The following SERPINA10 variants were observed in gnomAD, a reference collection of about 807,000 sequenced individuals.
The protein encoded by SERPINA10 is protein Z-dependent protease inhibitor.
A neutral mutation model predicts 28.0 loss-of-function variants in SERPINA10; 24 were observed. The observed-to-expected ratio is 0.86, with a 90% CI of 0.62 to 1.20. The LOEUF (loss-of-function observed/expected upper bound fraction) is 1.20. Among genes scored for constraint, SERPINA10 ranks in the 50% most tolerant of loss-of-function variants. SERPINA10 has a pLI of 0.00. For missense variants in SERPINA10, 521 were observed against 537.7 expected, an observed-to-expected ratio of 0.97 and a Z score of 0.31; for synonymous variants, 207 against 203.9, an observed-to-expected ratio of 1.02 and a Z score of -0.13.
In SERPINA10 at chr14:94,283,765, C is replaced by T. The variant is rs964626405; in HGVS notation, c.*200G>A. The T allele has an allele frequency of 7.5e-5, 46 of 615,132 alleles. No individual in the cohort carries two copies. Among genetic ancestry groups the T allele is most frequent in the Non-Finnish European group, 1.1e-4 (40 of 348,014 alleles). The allele number at this position is 615,132 out of a possible 1,614,324, so 38.1% of individuals were successfully genotyped here. On this transcript the variant is annotated 3_prime_UTR_variant, in exon 5 of 5. Transcript: ENST00000261994. ...ATATATAAGGTTCAGCACTGTCCAC[C>T]GTTTCAGGCATCTGCTGGGGGTCTT...
intron 3 of SERPINA10, among the ~76,000 whole-genome samples, chr14:94,287,338 T>C (rs1338188451): frequency 6.6e-6 from 1 of 152,196 alleles, no homozygotes; most frequent in Admixed American, 6.5e-5. Context: ...CAAATCCGTC[T>C]TTCCAGTTGC....
In SERPINA10 at chr14:94,289,863, A is replaced by G. The variant is rs781202571; in HGVS notation, c.718+13T>C. ...CCCTGTGGCCTTGGGAGAGCAGAACATTATCAAAGTACCTTTGAACAAGAT... is the reference window on the plus strand; with the variant it reads ...CCCTGTGGCCTTGGGAGAGCAGAACGTTATCAAAGTACCTTTGAACAAGAT... On this transcript the variant is annotated intron_variant, in intron 2 of 4. Transcript: ENST00000261994. 10 of 1,613,506 alleles carry G rather than the reference A, an allele frequency of 6.2e-6. No homozygotes were observed. In the South Asian group the frequency reaches 6.6e-5, roughly 11 times the overall value.
At position 94,290,611 on chromosome 14, in the gene SERPINA10, C is replaced by G; in HGVS notation, c.-18G>C. 1 of 1,612,042 alleles carries G rather than the reference C, an allele frequency of 6.2e-7. No homozygotes were observed. Among genetic ancestry groups the G allele is most frequent in the Non-Finnish European group, 8.5e-7 (1 of 1,179,584 alleles). On this transcript the variant is annotated 5_prime_UTR_variant, in exon 2 of 5. Transcript: ENST00000261994. ...ACCTTCATGTGATCGGCTGCGGAGGCCAAGGAGTGCCTCCCTTCAGCTGCA... is the reference window on the plus strand; with the variant it reads ...ACCTTCATGTGATCGGCTGCGGAGGGCAAGGAGTGCCTCCCTTCAGCTGCA...
At chr14:94,292,230 G>A (rs769929552) in intron 1 of SERPINA10, among the ~76,000 whole-genome samples, 1 of 152,130 alleles carries the variant, frequency 6.6e-6, no homozygotes, top group Non-Finnish European at 1.5e-5. Context: ...CAAGGCCCCT[G>A]TGATAGCACT....
In SERPINA10 at chr14:94,283,842, C is replaced by T. The variant is rs1894954325; in HGVS notation, c.*123G>A. The T allele has an allele frequency of 7.2e-6, 7 of 975,130 alleles. No homozygotes were observed. The highest frequency in any genetic ancestry group is 1.1e-5 in the Non-Finnish European group (7 of 618,574). The allele number at this position is 975,130 out of a possible 1,614,324, so 60.4% of individuals were successfully genotyped here. On this transcript the variant is annotated 3_prime_UTR_variant, in exon 5 of 5. Coordinates refer to ENST00000261994, the MANE Select transcript of SERPINA10 (RefSeq NM_001100607.3). ...GGACTACTGTATTTATTTGAGAACA[C>T]CCTAAACTAGTTAAGAACAAAAGGA...
chr14:94,291,642 G>A (rs565838603), intron 1 of SERPINA10, among the ~76,000 whole-genome samples: 1 of 152,288 alleles, frequency 6.6e-6, no homozygotes, highest in East Asian at 1.9e-4. Flanking sequence ...ACTGCCCTGG[G>A]AGGGTCTGGG....
chr14:94,289,401 A>G (rs1895104601), intron 2 of SERPINA10, among the ~76,000 whole-genome samples: 1 of 152,246 alleles, frequency 6.6e-6, no homozygotes, highest in Non-Finnish European at 1.5e-5. Flanking sequence ...CAAGTAAACA[A>G]TAGATACTCA....
chr14:94,283,690 C>A lies in SERPINA10; in HGVS notation c.*275G>T. 2 of 490,476 alleles carry A rather than the reference C, an allele frequency of 4.1e-6. No individual in the cohort carries two copies. Among genetic ancestry groups the A allele is most frequent in the South Asian group, 5.2e-5 (2 of 38,124 alleles). The allele number at this position is 490,476 out of a possible 1,614,324, so 30.4% of individuals were successfully genotyped here. ...TATTATTGTTAATCTCTTACTGTGCCTAATTTATAAATTAAACTTTATCAT... is the reference window on the plus strand; with the variant it reads ...TATTATTGTTAATCTCTTACTGTGCATAATTTATAAATTAAACTTTATCAT... On this transcript the variant is annotated 3_prime_UTR_variant, in exon 5 of 5. Coordinates refer to ENST00000261994, the MANE Select transcript of SERPINA10 (RefSeq NM_001100607.3).
rs577825008 is a variant in SERPINA10, at chr14:94,288,164, C to T, written c.992+122G>A. 237 of 1,369,264 alleles carry T rather than the reference C, an allele frequency of 1.7e-4. No homozygotes were observed. In the African/African-American group the frequency reaches 2.0e-3, roughly 12 times the overall value. 84.8% of individuals were successfully genotyped at this position (1,369,264 alleles called of 1,614,324 possible). ...GAAAAAAAGACAAATGCTGCCCTGC[C>T]TTCAGGAAACTTATAGCTCACTGGA... On this transcript the variant is annotated intron_variant, in intron 3 of 4. Coordinates refer to ENST00000261994, the MANE Select transcript of SERPINA10 (RefSeq NM_001100607.3).
Position 94,289,954 on chromosome 14 carries a change from G to A in SERPINA10, c.640C>T (p.Arg214Trp), listed in dbSNP as rs570402881. The A allele has an allele frequency of 6.3e-5, 102 of 1,614,038 alleles. No individual in the cohort carries two copies. The highest frequency in any genetic ancestry group is 3.3e-4 in the Middle Eastern group (2 of 6,084). ...LMNHYINKET[R>W]GKIPKLFDEI... ...TCAAACAGTTTGGGAATTTTCCCCC[G>A]AGTCTCTTTGTTAATGTAATGATTC... The change falls in exon 2 of 5, where the codon CGG becomes TGG. Residue 214 changes from arginine (R) to tryptophan (W), a missense_variant. Arg to Trp is a moderately radical substitution (Grantham distance 101). Transcript: ENST00000261994.
chr14:94,289,921 T>G lies in SERPINA10; in HGVS notation c.673A>C (p.Asn225His). ...GKIPKLFDEINPETKLILVDY... is the reference protein window; with the variant it reads ...GKIPKLFDEIHPETKLILVDY... ...ACAAGAATTAATTTGGTTTCAGGAT[T>G]AATCTCATCAAACAGTTTGGGAATT... The change falls in exon 2 of 5, where the codon AAT (asparagine) becomes CAT (histidine). Residue 225 changes from asparagine (N) to histidine (H), a missense_variant. Transcript: ENST00000261994. 1 of 1,614,060 alleles carries G rather than the reference T, an allele frequency of 6.2e-7. No homozygotes were observed.
chr14:94,290,260 A>C lies in SERPINA10; in HGVS notation c.334T>G (p.Leu112Val), dbSNP rs372663141. 7 of 1,614,102 alleles carry C rather than the reference A, an allele frequency of 4.3e-6. No homozygotes were observed. The African/African-American group carries it at 8.0e-5, about 18-fold the overall frequency. The change falls in exon 2 of 5, where the codon TTG (leucine) becomes GTG (valine). Residue 112 changes from leucine to valine, a missense_variant. Physicochemically the swap from Leu to Val is conservative, Grantham distance 32. Coordinates refer to ENST00000261994, the MANE Select transcript of SERPINA10 (RefSeq NM_001100607.3). ...PFGMSLAMTG[L>V]MLGATGPTET... is the part of the protein sequence containing the mutation. ...GTCGGCCCTGTGGCCCCCAGCATCA[A>C]GCCTGTCATGGCCAAGGACATGCCA...
chr14:94,284,145 T>A lies in SERPINA10; in HGVS notation c.1155A>T (p.Arg385Ser). Reference protein sequence around the residue: ...RNLQVSRVLQRTVIEVDERGT... With the variant: ...RNLQVSRVLQSTVIEVDERGT... ...CCCTTTCATCAACTTCAATCACTGTTCTTTGTAAAACCTGGAAAAAGGAAA... is the reference window on the plus strand; with the variant it reads ...CCCTTTCATCAACTTCAATCACTGTACTTTGTAAAACCTGGAAAAAGGAAA... The change falls in exon 5 of 5, where the codon AGA (arginine) becomes AGT (serine). Residue 385 changes from arginine (R) to serine (S), a missense_variant. By Grantham distance (110) the Arg-to-Ser change is moderately radical. Coordinates refer to ENST00000261994, the MANE Select transcript of SERPINA10 (RefSeq NM_001100607.3). The A allele has an allele frequency of 6.2e-7, 1 of 1,614,088 alleles. No individual in the cohort carries two copies. The highest frequency in any genetic ancestry group is 1.1e-5 in the South Asian group (1 of 91,084).
chr14:94,288,421 T>C lies in SERPINA10; in HGVS notation c.857A>G (p.His286Arg), dbSNP rs1456935311. 6.2e-7 allele frequency: 1 copy of C among 1,614,148 alleles called. No individual in the cohort carries two copies. Among genetic ancestry groups the C allele is most frequent in the Non-Finnish European group, 8.5e-7 (1 of 1,180,030 alleles). Residue 286 changes from histidine (H) to arginine (R), a missense_variant, in exon 3 of 5, where the codon CAT becomes CGT. Physicochemically the swap from His to Arg is conservative, Grantham distance 29. Coordinates refer to ENST00000261994, the MANE Select transcript of SERPINA10 (RefSeq NM_001100607.3). ...TCCTTGGTAGGGCAGTTTGAGGACATGACAACGAAAATTCTTGTCAAAGGT... is the reference window on the plus strand; with the variant it reads ...TCCTTGGTAGGGCAGTTTGAGGACACGACAACGAAAATTCTTGTCAAAGGT... ...ASTFDKNFRC[H>R]VLKLPYQGNA...
chr14:94,282,000 GAATGTCAGAT>G lies in SERPINA10; in HGVS notation c.*1955_*1964del, dbSNP rs1894911835. The G allele has an allele frequency of 3.9e-5, 6 of 152,688 alleles. No individual in the cohort carries two copies. In the South Asian group the frequency reaches 1.2e-3, roughly 32 times the overall value. 9.5% of individuals were successfully genotyped at this position (152,688 alleles called of 1,614,324 possible). A position where few individuals can be genotyped will look rare whatever the true frequency, so the allele number is the denominator to read the frequency against. ...ATTGAACACAAACAAGGTGACTTAA[GAATGTCAGAT>G]AGAGTTAGTCCTCTGTCTTTGGCCC... On this transcript the variant is annotated 3_prime_UTR_variant, in exon 5 of 5. Coordinates refer to ENST00000261994, the MANE Select transcript of SERPINA10 (RefSeq NM_001100607.3).
intron 4 of SERPINA10, among the ~76,000 whole-genome samples, chr14:94,285,354 G>T (rs1020416376): frequency 2.6e-5 from 4 of 151,884 alleles, no homozygotes; most frequent in Non-Finnish European, 5.9e-5. Flanking sequence ...TAACTGAAGG[G>T]ATTCTATGTG....
At position 94,289,969 on chromosome 14, in the gene SERPINA10, T is replaced by C. The variant is rs1458964534; in HGVS notation, c.625A>G (p.Ile209Val). ...ATTTTCCCCCGAGTCTCTTTGTTAA[T>C]GTAATGATTCATGAGCCTTTTGGCC... Reference protein sequence around the residue: ...SQAKRLMNHYINKETRGKIPK... With the variant: ...SQAKRLMNHYVNKETRGKIPK... Residue 209 changes from isoleucine to valine, a missense_variant, in exon 2 of 5, where the codon ATT becomes GTT. Ile to Val is a conservative substitution (Grantham distance 29). Transcript: ENST00000261994. The C allele has an allele frequency of 3.1e-6, 5 of 1,614,142 alleles. No individual in the cohort carries two copies. The highest frequency in any genetic ancestry group is 4.2e-6 in the Non-Finnish European group (5 of 1,180,054).
intron 3 of SERPINA10, among the ~76,000 whole-genome samples, chr14:94,286,559 T>TCA (rs1196913393): frequency 2.0e-5 from 3 of 152,224 alleles, no homozygotes; most frequent in Non-Finnish European, 4.4e-5. Context: ...AACAGCTGCT[T>TCA]TCAGCAGTCC....
At position 94,283,007 on chromosome 14, in the gene SERPINA10, T is replaced by C. The variant is rs1894935669; in HGVS notation, c.*958A>G. On this transcript the variant is annotated 3_prime_UTR_variant, in exon 5 of 5. Transcript: ENST00000261994. ...TGCACCATGGAAGCAGATGCTGTGATCAGGACTGGTTAGAGCTATTTTCTT... is the reference window on the plus strand; with the variant it reads ...TGCACCATGGAAGCAGATGCTGTGACCAGGACTGGTTAGAGCTATTTTCTT... 1 of 152,212 alleles carries C rather than the reference T, an allele frequency of 6.6e-6. No individual in the cohort carries two copies. The highest frequency in any genetic ancestry group is 1.9e-4 in the East Asian group (1 of 5,188). 9.4% of individuals were successfully genotyped at this position (152,212 alleles called of 1,614,324 possible).
Sources: gnomAD v4.1 joint callset for allele counts (sites outside exome capture counted in the v4.1 genomes callset) on GRCh38, gnomAD v4.1.1 for gene constraint, MANE v1.5 for transcripts, NCBI Gene and HGNC (gene_info 2026-07-23, HGNC 2026-07-21) for gene names.